The following PCGF3 variants were observed in gnomAD, a reference collection of about 807,000 sequenced individuals.
PCGF3 encodes polycomb group ring finger 3.
A neutral mutation model predicts 33.1 loss-of-function variants in PCGF3; 7 were observed. The observed-to-expected ratio is 0.21, with a 90% CI of 0.12 to 0.40. The LOEUF (loss-of-function observed/expected upper bound fraction) is 0.40, where lower values mean the gene tolerates loss of function less well. PCGF3 is among the 10% of genes least tolerant of loss of function. PCGF3 has a pLI of 1.00. For missense variants in PCGF3, 211 were observed against 313.3 expected (o/e 0.67, Z 2.46); for synonymous variants, 153 against 121.3 (o/e 1.26, Z -1.72).
chr4:716,350 C>T lies in PCGF3; in HGVS notation c.-190+10380C>T, dbSNP rs1171747045. ...CACTGCGAGTGTGAGAACTGGGCGT[C>T]GGTGCTGGGACCCTGTGGACACTGT... On this transcript the variant is annotated intron_variant, in intron 1 of 10. Coordinates refer to ENST00000362003, the Ensembl canonical transcript of PCGF3. Among the ~76,000 whole-genome samples, 251 of 128,072 alleles carry T rather than the reference C, an allele frequency of 2.0e-3. 1 individual carries two copies. Among genetic ancestry groups the T allele is most frequent in the Non-Finnish European group, 3.4e-3 (209 of 61,500 alleles). 84.0% of individuals were successfully genotyped at this position (128,072 alleles called of 152,430 possible).
intron 1 of PCGF3, among the ~76,000 whole-genome samples, chr4:712,699 G>A (rs1476391393): frequency 6.6e-6 from 1 of 152,202 alleles, no homozygotes; most frequent in Non-Finnish European, 1.5e-5. Context: ...GCCCGCCTTG[G>A]CCTCCCAAAG....
intron 6 of PCGF3, among the ~76,000 whole-genome samples, chr4:738,799 C>T (rs1269933746): frequency 6.6e-6 from 1 of 152,092 alleles, no homozygotes; most frequent in Non-Finnish European, 1.5e-5. Flanking sequence ...GCAGAGGTTG[C>T]AGTGAGCTGA....
intron 1 of PCGF3, among the ~76,000 whole-genome samples, chr4:709,539 T>C (rs551846143): frequency 2.2e-4 from 33 of 152,200 alleles, no homozygotes; most frequent in Admixed American, 5.9e-4. Context: ...TATGAACAAA[T>C]GAATGAAAGG....
chr4:738,120 A>G (rs1274905120), intron 6 of PCGF3, among the ~76,000 whole-genome samples: 2 of 152,240 alleles, frequency 1.3e-5, no homozygotes, highest in East Asian at 1.9e-4. Flanking sequence ...GGTCAGCGCC[A>G]GGTGGGCTGT....
At chr4:749,230 T>C (rs1454059901) in intron 8 of PCGF3, among the ~76,000 whole-genome samples, 3 of 152,138 alleles carry the variant, frequency 2.0e-5, no homozygotes, top group African/African-American at 7.2e-5. Context: ...AATGGCACGA[T>C]CTCGGCTCAC....
Position 765,073 on chromosome 4 carries a change from C to A in PCGF3, c.681+9C>A, listed in dbSNP as rs770607620. 1.9e-6 allele frequency: 3 copies of A among 1,595,730 alleles called. No homozygotes were observed. The highest frequency in any genetic ancestry group is 2.6e-6 in the Non-Finnish European group (3 of 1,163,398). On this transcript the variant is annotated intron_variant, in intron 10 of 10. Coordinates refer to ENST00000362003, the Ensembl canonical transcript of PCGF3. ...CTAGGTGGAGATTCAAGGTGAGACA[C>A]GTGATTTGATTTTCAGAGTCTGCTC...
At chr4:765,793 T>C (rs554876341) in intron 10 of PCGF3, among the ~76,000 whole-genome samples, 1 of 152,216 alleles carries the variant, frequency 6.6e-6, no homozygotes, top group East Asian at 1.9e-4. Context: ...CACCACGGTG[T>C]GCACAGTGGT....
chr4:742,555 G>C (rs905870035), intron 6 of PCGF3, among the ~76,000 whole-genome samples: 3 of 152,194 alleles, frequency 2.0e-5, no homozygotes, highest in Non-Finnish European at 2.9e-5. Context: ...AGTGACCCAC[G>C]TCGTCCACTG....
intron 4 of PCGF3, chr4:734,220 C>T (rs1302176608): frequency 1.3e-6 from 2 of 1,514,506 alleles, no homozygotes; most frequent in Admixed American, 4.2e-5. Flanking sequence ...ACACCTGGGG[C>T]TGGACCTGAG....
intron 9 of PCGF3, chr4:762,232 A>G: frequency 2.5e-6 from 1 of 408,088 alleles, no homozygotes; most frequent in South Asian, 1.0e-4. Flanking sequence ...TAATTCTGGA[A>G]TATCTGGGTG....
chr4:719,151 C>T (rs189677409), intron 1 of PCGF3, among the ~76,000 whole-genome samples: 1 of 152,212 alleles, frequency 6.6e-6, no homozygotes, highest in East Asian at 1.9e-4. Context: ...GACGGTGTTT[C>T]ACCATGTTGG....
chr4:756,678 T>C (rs1744782630), intron 8 of PCGF3, among the ~76,000 whole-genome samples: 1 of 152,196 alleles, frequency 6.6e-6, no homozygotes, highest in Admixed American at 6.5e-5. Context: ...TGTGGTTCAG[T>C]GGCCTTGGGT....
Position 764,523 on chromosome 4 carries a change from G to A in PCGF3, c.601-461G>A, listed in dbSNP as rs147716651. 6.8e-3 allele frequency: 1,048 copies of A among 153,944 alleles called. 6 individuals carry two copies. Among genetic ancestry groups the A allele is most frequent in the African/African-American group, 0.021 (892 of 41,576 alleles). 9.5% of individuals were successfully genotyped at this position (153,944 alleles called of 1,614,324 possible). A position where few individuals can be genotyped will look rare whatever the true frequency, so the allele number is the denominator to read the frequency against. ...CTGGGGAACCAGGGTGCCCGATTCC[G>A]GAGCTGTCAGGGCTGCTCATGGGGC... On this transcript the variant is annotated intron_variant, in intron 9 of 10. Coordinates refer to ENST00000362003, the Ensembl canonical transcript of PCGF3.
chr4:757,413 C>T lies in PCGF3; in HGVS notation c.463-3866C>T, dbSNP rs558504335. 11 of 152,364 alleles carry T rather than the reference C, an allele frequency of 7.2e-5. No homozygotes were observed. In the South Asian group the frequency reaches 1.7e-3, roughly 23 times the overall value. 9.4% of individuals were successfully genotyped at this position (152,364 alleles called of 1,614,324 possible). On this transcript the variant is annotated intron_variant, in intron 8 of 10. Coordinates refer to ENST00000362003, the Ensembl canonical transcript of PCGF3. ...AAGCCCACCATGGCCATTCTGTTGGCGTGCGTTTGTCACCAGCTGTGTTCC... is the reference window on the plus strand; with the variant it reads ...AAGCCCACCATGGCCATTCTGTTGGTGTGCGTTTGTCACCAGCTGTGTTCC...
intron 1 of PCGF3, chr4:723,858 C>G (rs1373996806): frequency 6.6e-6 from 1 of 152,454 alleles, no homozygotes; most frequent in Non-Finnish European, 1.5e-5. Flanking sequence ...CTGGCTGGCT[C>G]CCCAGAAGGC....
intron 8 of PCGF3, among the ~76,000 whole-genome samples, chr4:753,297 A>G (rs888890584): frequency 1.3e-5 from 2 of 151,918 alleles, no homozygotes; most frequent in South Asian, 4.2e-4. Context: ...GCTTCTCCCA[A>G]CTCAGCCTCC....
chr4:713,835 C>T (rs887242749), intron 1 of PCGF3, among the ~76,000 whole-genome samples: 3 of 152,068 alleles, frequency 2.0e-5, no homozygotes, highest in Non-Finnish European at 1.5e-5. Context: ...CAGCAGAGGG[C>T]GCACAGGGCA....
At chr4:757,456 C>T (rs1430057492) in intron 8 of PCGF3, 1 of 152,234 alleles carries the variant, frequency 6.6e-6, no homozygotes, top group African/African-American at 2.4e-5. Context: ...AAACGTTTCT[C>T]GTCTTTGGGG....
At chr4:719,880 A>G (rs1424401723) in intron 1 of PCGF3, among the ~76,000 whole-genome samples, 1 of 152,046 alleles carries the variant, frequency 6.6e-6, no homozygotes, top group African/African-American at 2.4e-5. Context: ...TGGCAGTCGG[A>G]GCGTCGGGGC....
Sources: gnomAD v4.1 joint callset for allele counts (sites outside exome capture counted in the v4.1 genomes callset) on GRCh38, gnomAD v4.1.1 for gene constraint, MANE v1.5 for transcripts, NCBI Gene and HGNC (gene_info 2026-07-23, HGNC 2026-07-21) for gene names.